TEK: variants seen among roughly 807,000 people sequenced by gnomAD.
TEK encodes the protein angiopoietin-1 receptor.
TEK carries 43 observed loss-of-function variants against 131.8 expected under a neutral mutation model. The observed-to-expected ratio is 0.33, with a 90% CI of 0.26 to 0.42. The LOEUF (loss-of-function observed/expected upper bound fraction) is 0.42. Among genes scored for constraint, TEK ranks in the 10% least tolerant of loss-of-function variants. TEK has a pLI of 1.00. For missense variants in TEK, 1,162 were observed against 1,384.4 expected, an observed-to-expected ratio of 0.84 and a Z score of 2.55; for synonymous variants, 580 against 491.6, an observed-to-expected ratio of 1.18 and a Z score of -2.38.
At chr9:27,165,889 C>T (rs1474115812) in intron 2 of TEK, among the ~76,000 whole-genome samples, 2 of 152,264 alleles carry the variant, frequency 1.3e-5, no homozygotes, top group Non-Finnish European at 2.9e-5. Context: ...GATCCGCAGG[C>T]ACAGCCCACA....
At chr9:27,174,727 G>A (rs894174342) in intron 6 of TEK, among the ~76,000 whole-genome samples, 3 of 152,050 alleles carry the variant, frequency 2.0e-5, no homozygotes, top group African/African-American at 7.2e-5. Flanking sequence ...TCTGCCCCCC[G>A]GAACATGCAG....
At chr9:27,149,650 T>C (rs943535339) in intron 1 of TEK, among the ~76,000 whole-genome samples, 1 of 152,230 alleles carries the variant, frequency 6.6e-6, no homozygotes, top group Non-Finnish European at 1.5e-5. Flanking sequence ...TTCTCCTCTT[T>C]GTGCAGGCAA....
intron 1 of TEK, among the ~76,000 whole-genome samples, chr9:27,134,446 G>A (rs1369680766): frequency 6.6e-6 from 1 of 152,126 alleles, no homozygotes; most frequent in Non-Finnish European, 1.5e-5. Flanking sequence ...TCACACAACA[G>A]AGCAAAATTT....
At chr9:27,137,887 G>T (rs1158484465) in intron 1 of TEK, among the ~76,000 whole-genome samples, 3 of 152,146 alleles carry the variant, frequency 2.0e-5, no homozygotes, top group African/African-American at 7.2e-5. Context: ...GTCTCACTGT[G>T]GACCCTTGCG....
intron 1 of TEK, among the ~76,000 whole-genome samples, chr9:27,136,424 CAATTGACTTTACTTT>C (rs1822438915): frequency 6.6e-6 from 1 of 152,164 alleles, no homozygotes; most frequent in South Asian, 2.1e-4. Flanking sequence ...GCTGCGGCTT[CAATTGACTTTACTTT>C]AATTCACTCA....
At chr9:27,217,083 C>T (rs370335545) in intron 18 of TEK, among the ~76,000 whole-genome samples, 3 of 152,142 alleles carry the variant, frequency 2.0e-5, no homozygotes, top group Non-Finnish European at 4.4e-5. Context: ...GACCAGGCAT[C>T]GAAAGGATCA....
At chr9:27,155,733 C>T (rs1475148352) in intron 1 of TEK, among the ~76,000 whole-genome samples, 1 of 151,938 alleles carries the variant, frequency 6.6e-6, no homozygotes, top group African/African-American at 2.4e-5. Context: ...TGTTTTTTTC[C>T]CCAAAACATT....
chr9:27,170,593 G>A (rs1440880184), intron 4 of TEK, among the ~76,000 whole-genome samples: 1 of 136,998 alleles, frequency 7.3e-6, no homozygotes, highest in East Asian at 2.1e-4. Flanking sequence ...GAAAGAGCAA[G>A]ACCTTGTCTC....
intron 7 of TEK, among the ~76,000 whole-genome samples, chr9:27,180,939 G>T (rs764416788): frequency 2.0e-5 from 3 of 152,044 alleles, no homozygotes; most frequent in Non-Finnish European, 4.4e-5. Flanking sequence ...TGTAAATTCA[G>T]TGGTTTTTAG....
chr9:27,187,953 A>C (rs917685949), intron 9 of TEK, among the ~76,000 whole-genome samples: 8 of 152,146 alleles, frequency 5.3e-5, no homozygotes, highest in African/African-American at 1.7e-4. Context: ...TTACATCCTG[A>C]GGTACTAGGG....
intron 21 of TEK, among the ~76,000 whole-genome samples, chr9:27,224,796 A>C (rs1372669870): frequency 6.6e-6 from 1 of 152,220 alleles, no homozygotes; most frequent in East Asian, 1.9e-4. Context: ...GCATTCAAAT[A>C]GGAAGAGAGG....
chr9:27,224,290 TG>T (rs1826216048), intron 21 of TEK, among the ~76,000 whole-genome samples: 1 of 152,104 alleles, frequency 6.6e-6, no homozygotes, highest in Non-Finnish European at 1.5e-5. Flanking sequence ...TACCCAAACC[TG>T]GCAGAGACAC....
chr9:27,229,006 T>C, intron 22 of TEK, 152 bp from the exon 23 acceptor site: 1 of 731,936 alleles, frequency 1.4e-6, no homozygotes, highest in Non-Finnish European at 2.5e-6. Flanking sequence ...AGTCATCAAA[T>C]ACAACAGAGG....
chr9:27,213,223 A>T (rs1825698308), intron 17 of TEK, among the ~76,000 whole-genome samples: 1 of 152,218 alleles, frequency 6.6e-6, no homozygotes, highest in African/African-American at 2.4e-5. Flanking sequence ...GTGTAATAAC[A>T]GAGACACACT....
At chr9:27,212,233 T>C (rs562621909) in intron 16 of TEK, among the ~76,000 whole-genome samples, 8 of 152,276 alleles carry the variant, frequency 5.3e-5, no homozygotes, top group African/African-American at 1.9e-4. Context: ...TTGTGGCTCC[T>C]TCCACATGGA....
At chr9:27,218,914 G>GTATGTGGTTCTACCAGATGTGACTT in intron 20 of TEK, 97 bp downstream of exon 20, 1 of 1,203,224 alleles carries the variant, frequency 8.3e-7, no homozygotes, top group Non-Finnish European at 1.2e-6. Flanking sequence ...GATGCCGTTT[G>GTATGTGGTTCTACCAGATGTGACTT]TATGTGGTTC....
At chr9:27,228,732 T>A (rs938872324) in intron 22 of TEK, among the ~76,000 whole-genome samples, 6 of 152,122 alleles carry the variant, frequency 3.9e-5, no homozygotes, top group African/African-American at 1.4e-4. Flanking sequence ...GCTGTACCGA[T>A]CTGGGAGTCA....
At chr9:27,154,130 T>TA (rs1464971339) in intron 1 of TEK, among the ~76,000 whole-genome samples, 1 of 152,172 alleles carries the variant, frequency 6.6e-6, no homozygotes, top group African/African-American at 2.4e-5. Flanking sequence ...CCAGCTGCCA[T>TA]TTTTTTCTCT....
intron 2 of TEK, among the ~76,000 whole-genome samples, chr9:27,167,454 C>T (rs1294436196): frequency 2.0e-5 from 3 of 152,108 alleles, no homozygotes; most frequent in Non-Finnish European, 4.4e-5. Context: ...TCTCGAACTC[C>T]TGACCTCAAG....
Sources: allele counts gnomAD v4.1 joint callset (sites outside exome capture counted in the v4.1 genomes callset), GRCh38; gene constraint gnomAD v4.1.1; transcripts MANE v1.5; gene names NCBI Gene and HGNC (gene_info 2026-07-23, HGNC 2026-07-21).